Variants in KIFC3 observed in about 807,000 individuals in gnomAD.
KIFC3 encodes kinesin family member C3, also known as kinesin-like protein KIFC3.
KIFC3 carries 60 observed loss-of-function variants against 101.8 expected under a neutral mutation model. The observed-to-expected ratio is 0.59, with a 90% CI of 0.48 to 0.73. KIFC3 has a LOEUF of 0.73. KIFC3 is among the 30% of genes least tolerant of loss of function. KIFC3 has a pLI of 0.00. For missense variants in KIFC3, 966 were observed against 1,137.1 expected (o/e 0.85, Z 2.16); for synonymous variants, 476 against 482.7 (o/e 0.99, Z 0.18).
intron 2 of KIFC3, among the ~76,000 whole-genome samples, chr16:57,795,797 C>A (rs117904479): frequency 6.6e-6 from 1 of 152,110 alleles, no homozygotes; most frequent in Non-Finnish European, 1.5e-5. Context: ...GAGCCACTAC[C>A]CTGGGGCGTA....
intron 1 of KIFC3, among the ~76,000 whole-genome samples, chr16:57,845,905 G>A (rs366762): frequency 0.34 from 51,697 of 152,040 alleles, 9,883 homozygotes; most frequent in Non-Finnish European, 0.44. Context: ...TGTCTCCTGG[G>A]CACTGGTAGA....
chr16:57,760,807 G>A lies in KIFC3; in HGVS notation c.2151C>T (p.His717=), dbSNP rs781844540. The A allele has an allele frequency of 3.2e-5, 52 of 1,613,592 alleles. No individual in the cohort carries two copies. The highest frequency in any genetic ancestry group is 1.6e-4 in the Middle Eastern group (1 of 6,084). The part of the protein sequence containing the change: ...VIAALRSRQG[H]VPFRNSKLTY... The stretch of plus-strand genomic sequence containing the variant: ...TGAGCTTGGAGTTGCGGAAGGGCAC[G>A]TGGCCCTGGCGGGAGCGCAGGGCAG... Residue 717 remains histidine, a synonymous_variant, in exon 16 of 20, where the codon CAC becomes CAT. Transcript: ENST00000445690.
At chr16:57,807,390 G>A (rs1054563184), upstream of KIFC3, among the ~76,000 whole-genome samples, 22 of 152,116 alleles carry the variant, frequency 1.4e-4, no homozygotes, top group Admixed American at 5.9e-4. Flanking sequence ...GCTCACAGCT[G>A]CAAGCTCTCA....
intron 2 of KIFC3, chr16:57,797,611 G>A: frequency 1.2e-6 from 1 of 852,650 alleles, no homozygotes; most frequent in Non-Finnish European, 1.4e-6. Context: ...ACGTTCCCGA[G>A]CAGCCTCGGT....
intron 3 of KIFC3, among the ~76,000 whole-genome samples, chr16:57,773,450 C>G (rs539327529): frequency 6.6e-6 from 1 of 152,274 alleles, no homozygotes; most frequent in East Asian, 1.9e-4. Flanking sequence ...CAAGAGAGGC[C>G]TAGGCCAGCC....
intron 1 of KIFC3, among the ~76,000 whole-genome samples, chr16:57,822,486 G>T (rs1287429664): frequency 1.4e-4 from 22 of 152,094 alleles, no homozygotes; most frequent in Non-Finnish European, 2.8e-4. Context: ...CGGCTCACTT[G>T]AGGAGTTTGA....
intron 3 of KIFC3, among the ~76,000 whole-genome samples, chr16:57,783,202 T>C (rs1430173592): frequency 1.3e-5 from 2 of 152,230 alleles, no homozygotes; most frequent in Non-Finnish European, 2.9e-5. Flanking sequence ...AAAGGTTAGA[T>C]ACTACGATTT....
At chr16:57,810,627 C>A (rs913878885) in intron 1 of KIFC3, 1 of 985,256 alleles carries the variant, frequency 1.0e-6, no homozygotes, top group African/African-American at 1.7e-5. Flanking sequence ...CCACCCCAGA[C>A]AACCAGAATG....
At chr16:57,846,810 C>T (rs1862069224) in intron 1 of KIFC3, among the ~76,000 whole-genome samples, 1 of 152,138 alleles carries the variant, frequency 6.6e-6, no homozygotes, top group African/African-American at 2.4e-5. Flanking sequence ...TTGACTGTGA[C>T]CTGGGATAAG....
Position 57,762,164 on chromosome 16 carries a change from G to A in KIFC3, c.1724C>T (p.Ala575Val), listed in dbSNP as rs540121396. 2.7e-5 allele frequency: 43 copies of A among 1,609,292 alleles called. No homozygotes were observed. In the South Asian group the frequency reaches 3.3e-4, roughly 12 times the overall value. ...CCTGAGGACCTCATTGTAGATCTCC[G>A]CAGCGCTGACGGTGATGGTGTACTC... ...DWEYTITVSAAEIYNEVLRDL... is the reference protein window; with the variant it reads ...DWEYTITVSAVEIYNEVLRDL... Residue 575 changes from alanine (A) to valine (V), a missense_variant, in exon 13 of 20, where the codon GCG (alanine) becomes GTG (valine). Around this residue, in one of 2 missense-constraint regions of KIFC3, gnomAD observed 689 missense variants for 884.6 expected, o/e 0.78. Transcript: ENST00000445690.
chr16:57,797,260 G>A (rs1244537077), intron 2 of KIFC3, among the ~76,000 whole-genome samples: 2 of 152,216 alleles, frequency 1.3e-5, no homozygotes, highest in Non-Finnish European at 1.5e-5. Context: ...TCTAGACCCT[G>A]TTCCTGTAGG....
chr16:57,849,824 A>T (rs8047807), intron 1 of KIFC3, among the ~76,000 whole-genome samples: 4,832 of 152,202 alleles, frequency 0.032, 259 homozygotes, highest in African/African-American at 0.11. Context: ...AATCACTTGC[A>T]CCTGGAATGT....
chr16:57,813,252 C>T (rs552625165), intron 1 of KIFC3, among the ~76,000 whole-genome samples: 116 of 152,108 alleles, frequency 7.6e-4, no homozygotes, highest in African/African-American at 2.5e-3. Context: ...CACTTGAACT[C>T]GGGATGCGGA....
At position 57,780,505 on chromosome 16, in the gene KIFC3, T is replaced by A. The variant is rs562363484; in HGVS notation, c.316-8217A>T. Among the ~76,000 whole-genome samples, 14 of 150,148 alleles carry A rather than the reference T, an allele frequency of 9.3e-5. No homozygotes were observed. In the South Asian group the frequency reaches 1.3e-3, roughly 14 times the overall value. ...CAGCCTGGGTGACAGAGCAAGATTC[T>A]CTCTCAAGAAAAAAAATATATATAT... On this transcript the variant is annotated intron_variant, in intron 3 of 19. Transcript: ENST00000445690.
chr16:57,769,773 G>T lies in KIFC3; in HGVS notation c.1087+35C>A. On this transcript the variant is annotated intron_variant, in intron 8 of 19. Coordinates refer to ENST00000445690, the MANE Select transcript of KIFC3 (RefSeq NM_001130100.2). The surrounding 1 kb of genome is among the most constrained non-coding windows in gnomAD (Gnocchi z 4.3). ...AGGCGGGAGGGGATGAGGGGCCGCG[G>T]CGTGGGGCAGACAGGGCCCAGCTGG... The T allele has an allele frequency of 6.2e-7, 1 of 1,612,702 alleles. No homozygotes were observed. Among genetic ancestry groups the T allele is most frequent in the East Asian group, 2.2e-5 (1 of 44,858 alleles).
chr16:57,859,975 T>C (rs575770076), intron 1 of KIFC3, among the ~76,000 whole-genome samples: 2 of 147,928 alleles, frequency 1.4e-5, no homozygotes, highest in Admixed American at 1.4e-4. Flanking sequence ...AGAGTTGAGA[T>C]CGTGCCACTG....
chr16:57,786,389 A>G (rs1598078362), intron 3 of KIFC3, among the ~76,000 whole-genome samples: 1 of 152,222 alleles, frequency 6.6e-6, no homozygotes, highest in East Asian at 1.9e-4. Context: ...ATGAAGGACA[A>G]GAACACAGAA....
At position 57,758,876 on chromosome 16, in the gene KIFC3, C is replaced by G; in HGVS notation, c.*58G>C. On this transcript the variant is annotated 3_prime_UTR_variant, in exon 20 of 20. Coordinates refer to ENST00000445690, the MANE Select transcript of KIFC3 (RefSeq NM_001130100.2). ...GGCCCAGCTTCAGGCCCAGCGGGGT[C>G]ACATCCGTCACACAGGCAGTGGCCG... 1 of 1,599,734 alleles carries G rather than the reference C, an allele frequency of 6.3e-7. No homozygotes were observed. The highest frequency in any genetic ancestry group is 8.5e-7 in the Non-Finnish European group (1 of 1,172,292).
intron 1 of KIFC3, chr16:57,816,912 G>A: frequency 2.8e-6 from 1 of 363,258 alleles, no homozygotes; most frequent in Non-Finnish European, 5.5e-6. Context: ...ATAATACTAA[G>A]AATGATAACA....
Sources: gnomAD v4.1 joint callset for allele counts (sites outside exome capture counted in the v4.1 genomes callset) on GRCh38, gnomAD v4.1.1 for gene constraint, gnomAD v4.1.1 regional missense constraint, Gnocchi (gnomAD v3.1) non-coding constraint, MANE v1.5 for transcripts, NCBI Gene and HGNC (gene_info 2026-07-23, HGNC 2026-07-21) for gene names.